KIAA1217: variants seen among roughly 807,000 people sequenced by gnomAD.
The protein encoded by KIAA1217 is KIAA1217, also known as sickle tail protein homolog.
KIAA1217 carries 88 observed loss-of-function variants against 163.9 expected under a neutral mutation model. The ratio of observed to expected loss-of-function variants is 0.54; its 90% CI spans 0.45 to 0.64. The LOEUF (loss-of-function observed/expected upper bound fraction) is 0.64, where lower values mean the gene tolerates loss of function less well. KIAA1217 is among the 30% of genes least tolerant of loss of function. The pLI, the probability that KIAA1217 is intolerant of heterozygous loss-of-function variation, is 0.00. For synonymous variants in KIAA1217, 903 were observed against 923.1 expected (o/e 0.98, Z 0.39); for missense variants, 2,372 against 2,475.0 (o/e 0.96, Z 0.88).
intron 2 of KIAA1217, among the ~76,000 whole-genome samples, chr10:24,017,019 C>T (rs1361488696): frequency 1.0e-4 from 15 of 143,576 alleles, no homozygotes; most frequent in South Asian, 6.8e-4. Context: ...TATTTTGTTT[C>T]GTTGGTTAGT....
At chr10:24,077,438 T>G (rs946750935) in intron 2 of KIAA1217, among the ~76,000 whole-genome samples, 1 of 152,220 alleles carries the variant, frequency 6.6e-6, no homozygotes, top group Non-Finnish European at 1.5e-5. Context: ...GGTATTTTAC[T>G]TTTTGTTCCT....
intron 1 of KIAA1217, among the ~76,000 whole-genome samples, chr10:23,775,271 T>C (rs1192753958): frequency 6.6e-6 from 1 of 152,058 alleles, no homozygotes; most frequent in Non-Finnish European, 1.5e-5. Context: ...TCTTGATTGA[T>C]TAATAGGTTG....
chr10:23,998,357 T>G (rs895212475), intron 1 of KIAA1217, among the ~76,000 whole-genome samples: 2 of 152,176 alleles, frequency 1.3e-5, no homozygotes, highest in African/African-American at 4.8e-5. Context: ...CTGGTCTGCA[T>G]CCAAATCTTC....
At chr10:24,220,443 CTTCTTTT>C (rs2069427557) in intron 2 of KIAA1217, among the ~76,000 whole-genome samples, 5 of 122,108 alleles carry the variant, frequency 4.1e-5, no homozygotes, top group Non-Finnish European at 8.0e-5. Context: ...TGTTTCTGCT[CTTCTTTT>C]TTTTTTTTTT....
intron 1 of KIAA1217, among the ~76,000 whole-genome samples, chr10:23,889,790 T>A (rs989004055): frequency 6.6e-5 from 10 of 151,894 alleles, no homozygotes; most frequent in African/African-American, 2.4e-4. Context: ...CATCCTTGTT[T>A]TGTTCAGAAA....
intron 2 of KIAA1217, among the ~76,000 whole-genome samples, chr10:24,027,660 TTAA>T (rs1393050317): frequency 2.0e-5 from 3 of 152,114 alleles, no homozygotes; most frequent in African/African-American, 4.8e-5. Flanking sequence ...AAATACCATG[TTAA>T]TAGATAGGAA....
chr10:24,051,374 CAAGT>C (rs933800126), intron 2 of KIAA1217, among the ~76,000 whole-genome samples: 1 of 152,156 alleles, frequency 6.6e-6, no homozygotes, highest in African/African-American at 2.4e-5. Flanking sequence ...CATCCATGTG[CAAGT>C]GTCTTTTTCA....
intron 5 of KIAA1217, among the ~76,000 whole-genome samples, chr10:24,448,784 C>T (rs2061168077): frequency 6.6e-6 from 1 of 152,218 alleles, no homozygotes; most frequent in Non-Finnish European, 1.5e-5. Context: ...AACTTCATTA[C>T]TGTAAGCGTT....
chr10:24,390,040 T>TCTATAGTCACGC (rs1366698540), intron 3 of KIAA1217, among the ~76,000 whole-genome samples: 1 of 152,174 alleles, frequency 6.6e-6, no homozygotes, highest in Non-Finnish European at 1.5e-5. Flanking sequence ...CCAAACCAGG[T>TCTATAGTCACGC]CTATAGTCAC....
chr10:24,523,844 A>T (rs2071678838), intron 12 of KIAA1217, among the ~76,000 whole-genome samples: 1 of 152,248 alleles, frequency 6.6e-6, no homozygotes, highest in Non-Finnish European at 1.5e-5. Context: ...TTGAGGAATA[A>T]ACACGACCGT....
At chr10:23,760,099 T>C (rs905290556) in intron 1 of KIAA1217, among the ~76,000 whole-genome samples, 1 of 152,196 alleles carries the variant, frequency 6.6e-6, no homozygotes, top group African/African-American at 2.4e-5. Context: ...ACTCAGTGCC[T>C]AGACCCTCAC....
intron 1 of KIAA1217, among the ~76,000 whole-genome samples, chr10:23,978,744 C>T (rs1361495998): frequency 1.3e-5 from 2 of 152,016 alleles, no homozygotes; most frequent in Admixed American, 6.6e-5. Context: ...TTAAAACATA[C>T]ACAGAAAGTG....
rs748426434 is a variant in KIAA1217, at chr10:24,473,355, C to G, written c.974C>G (p.Pro325Arg). Residue 325 changes from proline to arginine, a missense_variant, in exon 6 of 21, where the codon CCC (proline) becomes CGC (arginine). This residue lies in a region of KIAA1217 where 1,431 missense variants were observed against 1,470.3 expected (regional missense o/e 0.97). Transcript: ENST00000376454. ...ACTCCAGTGCCCCATTCCATGCCCC[C>G]CTCCCCGTCCAGAATTCCTTATGGG... ...PSTPVPHSMP[P>R]SPSRIPYGGT... 11 of 1,603,062 alleles carry G rather than the reference C, an allele frequency of 6.9e-6. No homozygotes were observed. The highest frequency in any genetic ancestry group is 5.4e-5 in the African/African-American group (4 of 74,686).
intron 2 of KIAA1217, among the ~76,000 whole-genome samples, chr10:24,295,359 G>A (rs1345898448): frequency 6.6e-6 from 1 of 152,156 alleles, no homozygotes; most frequent in Non-Finnish European, 1.5e-5. Flanking sequence ...ATTCAAGTAA[G>A]ATCCAATATG....
intron 2 of KIAA1217, among the ~76,000 whole-genome samples, chr10:24,229,806 C>A (rs2071118848): frequency 6.6e-6 from 1 of 152,090 alleles, no homozygotes; most frequent in African/African-American, 2.4e-5. Flanking sequence ...CCACTGTACC[C>A]AGCCTCAGAG....
rs147540328 is a variant in KIAA1217 at position 24,185,508 on chromosome 10, C to A, written c.-170-34118C>A. 2.6e-5 allele frequency among the ~76,000 whole-genome samples: 4 copies of A among 152,292 alleles called. No individual in the cohort carries two copies. The East Asian group carries it at 7.7e-4, about 29-fold the overall frequency. On this transcript the variant is annotated intron_variant, in intron 2 of 18. Coordinates refer to the KIAA1217 transcript ENST00000376462. ...TAATTTACCAGCTTTAAAGAATCAA[C>A]TCTTGGCCAGGTATGGTGGCTCATG...
intron 2 of KIAA1217, among the ~76,000 whole-genome samples, chr10:24,227,614 G>A (rs1307988810): frequency 1.4e-5 from 2 of 146,838 alleles, no homozygotes; most frequent in African/African-American, 5.0e-5. Context: ...CTCACTGCAA[G>A]CTCTGCCTCC....
At chr10:24,358,670 A>T (rs1334092910) in intron 2 of KIAA1217, among the ~76,000 whole-genome samples, 1 of 152,264 alleles carries the variant, frequency 6.6e-6, no homozygotes, top group Non-Finnish European at 1.5e-5. Flanking sequence ...CAGTCAGGAC[A>T]GTGGCCATAC....
chr10:23,819,255 C>CA (rs1837506091), intron 1 of KIAA1217, among the ~76,000 whole-genome samples: 1 of 152,130 alleles, frequency 6.6e-6, no homozygotes, highest in Non-Finnish European at 1.5e-5. Flanking sequence ...CAGATAGGGC[C>CA]ACATGACTAG....
Sources: gnomAD v4.1 joint callset for allele counts (sites outside exome capture counted in the v4.1 genomes callset) on GRCh38, gnomAD v4.1.1 for gene constraint, gnomAD v4.1.1 regional missense constraint, MANE v1.5 for transcripts, NCBI Gene and HGNC (gene_info 2026-07-23, HGNC 2026-07-21) for gene names.